Variants in FMN1 observed in about 807,000 individuals in gnomAD.
FMN1 encodes the protein formin-1.
In FMN1, 110 loss-of-function variants were observed where a neutral mutation model predicts 132.4. The ratio of observed to expected loss-of-function variants is 0.83; its 90% CI spans 0.71 to 0.97. FMN1 has a LOEUF of 0.97. Among genes scored for constraint, FMN1 ranks in the 50% least tolerant of loss-of-function variants. FMN1 has a pLI of 0.00. For missense variants in FMN1, 1,792 were observed against 1,705.3 expected (o/e 1.05, Z -0.90); for synonymous variants, 722 against 651.7 (o/e 1.11, Z -1.64).
Position 32,774,223 on chromosome 15 carries a change from C to A in FMN1, c.*87G>T. 9.5e-7 allele frequency: 1 copy of A among 1,049,346 alleles called. No individual in the cohort carries two copies. The highest frequency in any genetic ancestry group is 1.4e-5 in the South Asian group (1 of 69,334). The allele number at this position is 1,049,346 out of a possible 1,614,324, so 65.0% of individuals were successfully genotyped here. Reference sequence around the variant, plus strand: ...AACAAACATTTAGTGACACATCTTTCAAGAACGTCCTGCAACCCTGTGGTC... The same window carrying A: ...AACAAACATTTAGTGACACATCTTTAAAGAACGTCCTGCAACCCTGTGGTC... On this transcript the variant is annotated 3_prime_UTR_variant, in exon 21 of 21. Coordinates refer to ENST00000616417, the MANE Select transcript of FMN1 (RefSeq NM_001277313.2).
intron 16 of FMN1, among the ~76,000 whole-genome samples, chr15:32,887,829 G>T (rs1007424442): frequency 1.3e-5 from 2 of 152,118 alleles, no homozygotes; most frequent in Non-Finnish European, 2.9e-5. Flanking sequence ...GTTTAGTGTA[G>T]TTCCAGCTTA....
At chr15:32,916,535 T>C (rs1217335237) in intron 10 of FMN1, among the ~76,000 whole-genome samples, 1 of 152,208 alleles carries the variant, frequency 6.6e-6, no homozygotes, top group Non-Finnish European at 1.5e-5. Flanking sequence ...ATCCGAAGTG[T>C]GGGAGATGCC....
intron 9 of FMN1, among the ~76,000 whole-genome samples, chr15:32,955,658 T>C (rs1003116137): frequency 1.3e-5 from 2 of 152,224 alleles, no homozygotes; most frequent in African/African-American, 4.8e-5. Flanking sequence ...ATAAATATTT[T>C]TTAAAGCATA....
intron 16 of FMN1, among the ~76,000 whole-genome samples, chr15:32,867,885 G>A (rs2059429896): frequency 6.6e-6 from 1 of 152,088 alleles, no homozygotes; most frequent in African/African-American, 2.4e-5. Flanking sequence ...ATGATTATTG[G>A]ATTGTCTCCC....
intron 3 of FMN1, among the ~76,000 whole-genome samples, chr15:33,168,161 G>T (rs1965182124): frequency 6.6e-6 from 1 of 152,178 alleles, no homozygotes; most frequent in Non-Finnish European, 1.5e-5. Flanking sequence ...TTCAGTCACA[G>T]AATTGGAACT....
chr15:32,993,485 TAC>T (rs1004107842), intron 7 of FMN1, among the ~76,000 whole-genome samples: 1 of 152,212 alleles, frequency 6.6e-6, no homozygotes, highest in African/African-American at 2.4e-5. Flanking sequence ...GCCCCCTGTC[TAC>T]AGAGACAAGT....
intron 16 of FMN1, among the ~76,000 whole-genome samples, chr15:32,863,613 T>C (rs549782252): frequency 1.3e-3 from 196 of 152,310 alleles, no homozygotes; most frequent in Non-Finnish European, 2.1e-3. Flanking sequence ...GATTTCTTAA[T>C]GGGTATGGCA....
intron 10 of FMN1, among the ~76,000 whole-genome samples, chr15:32,919,000 T>A (rs1381813125): frequency 1.3e-5 from 2 of 152,192 alleles, no homozygotes; most frequent in East Asian, 1.9e-4. Flanking sequence ...TCTAACATTT[T>A]AAAAAATTTA....
intron 12 of FMN1, among the ~76,000 whole-genome samples, chr15:32,903,644 G>C (rs2060350424): frequency 6.6e-6 from 1 of 152,186 alleles, no homozygotes; most frequent in African/African-American, 2.4e-5. Context: ...AAAATATACA[G>C]ATCAATGCCT....
At chr15:32,932,382 C>CA (rs1310349088) in intron 9 of FMN1, among the ~76,000 whole-genome samples, 1 of 152,174 alleles carries the variant, frequency 6.6e-6, no homozygotes, top group African/African-American at 2.4e-5. Context: ...GCCTAGGAAA[C>CA]AGAGTGAGAC....
intron 10 of FMN1, among the ~76,000 whole-genome samples, chr15:32,916,531 A>G (rs1487048499): frequency 6.6e-6 from 1 of 152,214 alleles, no homozygotes; most frequent in Admixed American, 6.5e-5. Flanking sequence ...GGTCATCCGA[A>G]GTGTGGGAGA....
chr15:33,099,908 C>A (rs746280261), intron 4 of FMN1, among the ~76,000 whole-genome samples: 1 of 152,182 alleles, frequency 6.6e-6, no homozygotes, highest in Non-Finnish European at 1.5e-5. Flanking sequence ...GAATACACAG[C>A]TGTGGGACTC....
intron 3 of FMN1, among the ~76,000 whole-genome samples, chr15:33,165,484 G>A (rs190187814): frequency 1.3e-5 from 2 of 152,090 alleles, no homozygotes; most frequent in African/African-American, 2.4e-5. Flanking sequence ...TCCGCCTCCC[G>A]GGTTCACGCC....
chr15:32,950,038 T>C (rs1343182736), intron 9 of FMN1, among the ~76,000 whole-genome samples: 2 of 4,376 alleles, frequency 4.6e-4, no homozygotes, highest in African/African-American at 9.3e-4. Context: ...TATATACACA[T>C]ATATATATAT....
intron 6 of FMN1, among the ~76,000 whole-genome samples, chr15:33,050,986 G>A (rs2036941606): frequency 6.6e-6 from 1 of 152,212 alleles, no homozygotes; most frequent in African/African-American, 2.4e-5. Context: ...CCCCACTTGT[G>A]TGGAAATATT....
chr15:33,050,708 C>T (rs2036928132), intron 6 of FMN1, among the ~76,000 whole-genome samples: 1 of 152,182 alleles, frequency 6.6e-6, no homozygotes, highest in Non-Finnish European at 1.5e-5. Flanking sequence ...CACAACAATT[C>T]CACTTCAGTC....
chr15:32,925,154 A>G lies in FMN1; in HGVS notation c.3226+1020T>C, dbSNP rs139666459. 2.6e-5 allele frequency among the ~76,000 whole-genome samples: 4 copies of G among 152,338 alleles called. No homozygotes were observed. In the East Asian group the frequency reaches 7.7e-4, roughly 29 times the overall value. On this transcript the variant is annotated intron_variant, in intron 10 of 20. Transcript: ENST00000616417. ...TAGAAATAACAACATTTTGAAAACG[A>G]AAGGATGAAGAAACAATGACGTAAC...
intron 9 of FMN1, among the ~76,000 whole-genome samples, chr15:32,941,040 G>T (rs1458548305): frequency 6.6e-6 from 1 of 152,104 alleles, no homozygotes; most frequent in African/African-American, 2.4e-5. Flanking sequence ...CCACAGGTTA[G>T]TGCCTTATCC....
intron 3 of FMN1, among the ~76,000 whole-genome samples, chr15:33,175,633 G>A (rs1023990215): frequency 5.9e-5 from 9 of 152,114 alleles, no homozygotes; most frequent in African/African-American, 9.7e-5. Context: ...CACAGTGTGG[G>A]CTATATATTT....
Sources: gnomAD v4.1 joint callset for allele counts (sites outside exome capture counted in the v4.1 genomes callset) on GRCh38, gnomAD v4.1.1 for gene constraint, MANE v1.5 for transcripts, NCBI Gene and HGNC (gene_info 2026-07-23, HGNC 2026-07-21) for gene names.